The following ABCA1 variants were observed in gnomAD, a reference collection of about 807,000 sequenced individuals.
ABCA1 encodes the protein ATP binding cassette subfamily A member 1.
A neutral mutation model predicts 262.5 loss-of-function variants in ABCA1; 133 were observed. That is an observed-to-expected ratio of 0.51 (90% CI 0.44 to 0.59). The LOEUF is 0.59. Ranked by LOEUF, ABCA1 falls within the 20% of genes least tolerant of loss-of-function variation. ABCA1 has a pLI of 0.00. For synonymous variants in ABCA1, 1,022 were observed against 1,043.5 expected, an observed-to-expected ratio of 0.98 and a Z score of 0.40; for missense variants, 2,452 against 2,777.5, an observed-to-expected ratio of 0.88 and a Z score of 2.63.
chr9:104,883,154 C>G lies in ABCA1; in HGVS notation c.306G>C (p.Val102=), dbSNP rs760458703. Residue 102 remains valine, a synonymous_variant, in exon 5 of 50, where the codon GTG becomes GTC. Transcript: ENST00000374736. The part of the protein sequence containing the change: ...GVVGNFNKSI[V]ARLFSDARRL... Reference sequence around the variant, plus strand: ...TCCGAGCATCTGAGAACAGGCGAGCCACACTGTAAAGGGTGCAAGAAAAGG... The same window carrying G: ...TCCGAGCATCTGAGAACAGGCGAGCGACACTGTAAAGGGTGCAAGAAAAGG... 6.2e-7 allele frequency: 1 copy of G among 1,612,858 alleles called. No homozygotes were observed. Among genetic ancestry groups the G allele is most frequent in the Non-Finnish European group, 8.5e-7 (1 of 1,179,776 alleles).
intron 29 of ABCA1, among the ~76,000 whole-genome samples, chr9:104,810,062 G>A (rs1222820990): frequency 3.4e-5 from 5 of 148,144 alleles, no homozygotes; most frequent in African/African-American, 5.0e-5. Context: ...GTCAGCAGCC[G>A]GAAAGGAAAA....
At chr9:104,818,635 C>T (rs752716206) in intron 23 of ABCA1, 28 bp downstream of exon 23, 1 of 1,607,378 alleles carries the variant, frequency 6.2e-7, no homozygotes, top group South Asian at 1.1e-5. Context: ...AGACCCAACA[C>T]CAGCCCAGCA....
intron 48 of ABCA1, among the ~76,000 whole-genome samples, chr9:104,785,966 C>A (rs576722639): frequency 2.6e-5 from 4 of 152,330 alleles, no homozygotes; most frequent in South Asian, 4.1e-4. Flanking sequence ...GATGCAAACC[C>A]ATTTGTGTTT....
At chr9:104,804,245 C>T (rs1297104063) in intron 32 of ABCA1, among the ~76,000 whole-genome samples, 1 of 152,174 alleles carries the variant, frequency 6.6e-6, no homozygotes, top group Non-Finnish European at 1.5e-5. Context: ...AGAGAGTACC[C>T]AAGGCACTCT....
intron 17 of ABCA1, 179 bp downstream of exon 17, chr9:104,825,504 T>C: frequency 1.4e-6 from 1 of 697,568 alleles, no homozygotes; most frequent in Non-Finnish European, 2.6e-6. Flanking sequence ...ACAAGTGCTG[T>C]ACAAGTAGTG....
At chr9:104,845,973 T>C (rs1381585343) in intron 7 of ABCA1, among the ~76,000 whole-genome samples, 1 of 152,170 alleles carries the variant, frequency 6.6e-6, no homozygotes, top group Admixed American at 6.5e-5. Flanking sequence ...GAAGAAAATA[T>C]AAAGTTTAAA....
Position 104,889,203 on chromosome 9 carries a change from G to T in ABCA1, c.67-8C>A. ...TTCCAGCAGCAGCTGACACTGAGTG[G>T]GAAATAAGATAGAACACTGTAAATT... On this transcript the variant is annotated splice_region_variant and splice_polypyrimidine_tract_variant and intron_variant, in intron 2 of 49. Coordinates refer to ENST00000374736, the MANE Select transcript of ABCA1 (RefSeq NM_005502.4). 3 of 1,613,498 alleles carry T rather than the reference G, an allele frequency of 1.9e-6. No individual in the cohort carries two copies. The highest frequency in any genetic ancestry group is 1.7e-6 in the Non-Finnish European group (2 of 1,179,528).
At chr9:104,884,681 C>A in intron 3 of ABCA1, 113 bp from the exon 4 acceptor site, 1 of 1,254,364 alleles carries the variant, frequency 8.0e-7, no homozygotes. Context: ...CCATTCCCCA[C>A]ATCCCAGAGA....
chr9:104,925,955 A>ACTT (rs1826290882), intron 1 of ABCA1, among the ~76,000 whole-genome samples: 1 of 151,868 alleles, frequency 6.6e-6, no homozygotes, highest in African/African-American at 2.4e-5. Flanking sequence ...AAACTTAAGG[A>ACTT]CTTTAAGTTT....
intron 5 of ABCA1, among the ~76,000 whole-genome samples, chr9:104,869,784 C>T (rs771115481): frequency 2.0e-5 from 3 of 152,042 alleles, no homozygotes; most frequent in Admixed American, 6.5e-5. Flanking sequence ...GAAGGCTCAC[C>T]GAGGGATACC....
At chr9:104,869,607 T>C (rs1304062966) in intron 5 of ABCA1, among the ~76,000 whole-genome samples, 3 of 152,082 alleles carry the variant, frequency 2.0e-5, no homozygotes, top group Admixed American at 2.0e-4. Context: ...GGTTGTTGGG[T>C]GCTGAGGAGA....
At chr9:104,907,676 C>A (rs1276940567) in intron 1 of ABCA1, among the ~76,000 whole-genome samples, 2 of 152,210 alleles carry the variant, frequency 1.3e-5, no homozygotes, top group Non-Finnish European at 2.9e-5. Flanking sequence ...GACTGCTGAG[C>A]TTCCCAGGTG....
Position 104,793,229 on chromosome 9 carries a change from CT to C in ABCA1, c.5577del (p.Val1861TrpfsTer9), listed in dbSNP as rs1439949325. On this transcript the variant is annotated frameshift_variant, in exon 41 of 50. Coordinates refer to ENST00000374736, the MANE Select transcript of ABCA1 (RefSeq NM_005502.4). LOFTEE classifies it high-confidence loss of function. ...VGRNLFAMAV[E>X]GVVFFLITVL... ...ACAGTAATGAGGAAGAACACCACCC[CT>C]TCCACGGCCATGGCGAAGAGGTTTC... The C allele has an allele frequency of 3.1e-6, 5 of 1,613,980 alleles. No homozygotes were observed. Among genetic ancestry groups the C allele is most frequent in the African/African-American group, 1.3e-5 (1 of 74,904 alleles).
At chr9:104,897,005 C>T (rs1840289404) in intron 2 of ABCA1, among the ~76,000 whole-genome samples, 1 of 151,910 alleles carries the variant, frequency 6.6e-6, no homozygotes, top group Non-Finnish European at 1.5e-5. Flanking sequence ...GCTGGGAATA[C>T]AGGCATGAGC....
At chr9:104,835,361 C>T (rs1029186026) in intron 11 of ABCA1, among the ~76,000 whole-genome samples, 1 of 152,064 alleles carries the variant, frequency 6.6e-6, no homozygotes, top group Non-Finnish European at 1.5e-5. Flanking sequence ...CCAGCCCAAC[C>T]ACCCTCCTCC....
At chr9:104,867,041 G>A (rs1432789185) in intron 5 of ABCA1, among the ~76,000 whole-genome samples, 13 of 152,228 alleles carry the variant, frequency 8.5e-5, no homozygotes. Context: ...GACCTGATGT[G>A]ATTTGGGGAA....
intron 5 of ABCA1, among the ~76,000 whole-genome samples, chr9:104,865,025 G>A (rs1024814876): frequency 2.6e-5 from 4 of 152,184 alleles, no homozygotes; most frequent in Non-Finnish European, 5.9e-5. Context: ...GCAGCAGGGA[G>A]GGCCAAAGAT....
intron 6 of ABCA1, chr9:104,861,366 G>T: frequency 1.8e-6 from 1 of 545,156 alleles, no homozygotes; most frequent in Non-Finnish European, 3.3e-6. Context: ...TCAGAACTGT[G>T]AATATTTTTT....
In ABCA1 at chr9:104,832,624, C is replaced by T. The variant is rs766832401; in HGVS notation, c.1459G>A (p.Ala487Thr). Residue 487 changes from alanine (A) to threonine (T), a missense_variant, in exon 12 of 50, where the codon GCT becomes ACT. Ala to Thr is a moderately conservative substitution (Grantham distance 58). Transcript: ENST00000374736. ...ATTGCCTGGTTAGTCTCGTTGAAAG[C>T]TTCTCTCCAGGTGTACACAGAACCA... is the stretch of plus-strand genomic sequence containing the variant. ...SNGSVYTWREAFNETNQAIRT... is the reference protein window; with the variant it reads ...SNGSVYTWRETFNETNQAIRT... 1 of 1,614,192 alleles carries T rather than the reference C, an allele frequency of 6.2e-7. No individual in the cohort carries two copies. Among genetic ancestry groups the T allele is most frequent in the East Asian group, 2.2e-5 (1 of 44,882 alleles).
Sources: allele counts gnomAD v4.1 joint callset (sites outside exome capture counted in the v4.1 genomes callset), GRCh38; gene constraint gnomAD v4.1.1; transcripts MANE v1.5; gene names NCBI Gene and HGNC (gene_info 2026-07-23, HGNC 2026-07-21).